Variants in HTR2C observed in about 807,000 individuals in gnomAD.
The protein encoded by HTR2C is 5-hydroxytryptamine (serotonin) receptor 2C, G protein-coupled.
Under a neutral mutation model 21.0 loss-of-function variants are expected in HTR2C, and 5 were observed. The ratio of observed to expected loss-of-function variants is 0.24; its 90% CI spans 0.12 to 0.50. The LOEUF (loss-of-function observed/expected upper bound fraction) is 0.50, where lower values mean the gene tolerates loss of function less well. Ranked by LOEUF, HTR2C falls within the 20% of genes least tolerant of loss-of-function variation. HTR2C has a pLI of 0.98. For missense variants in HTR2C, 271 were observed against 371.2 expected (o/e 0.73, Z 2.22); for synonymous variants, 150 against 145.3 (o/e 1.03, Z -0.23).
intron 5 of HTR2C, among the ~76,000 whole-genome samples, chrX:114,879,307 T>G (rs2071162647): frequency 9.1e-6 from 1 of 109,595 alleles, no homozygotes; most frequent in Non-Finnish European, 1.9e-5. Context: ...TAATATTTTA[T>G]GCATATGATT....
intron 5 of HTR2C, among the ~76,000 whole-genome samples, chrX:114,849,382 TA>T (rs1208103068): frequency 8.9e-6 from 1 of 111,990 alleles, no homozygotes; most frequent in Non-Finnish European, 1.9e-5. Flanking sequence ...AACACATGGA[TA>T]AAACACTAAA....
At chrX:114,590,622 C>T (rs148570370) in intron 1 of HTR2C, among the ~76,000 whole-genome samples, 82 of 111,985 alleles carry the variant, frequency 7.3e-4, no homozygotes, top group African/African-American at 2.6e-3. Context: ...AGCACATCTG[C>T]ACAATAATAT....
At chrX:114,828,833 TC>T (rs782249666) in intron 4 of HTR2C, among the ~76,000 whole-genome samples, 2 of 112,371 alleles carry the variant, frequency 1.8e-5, no homozygotes, top group African/African-American at 6.4e-5. Flanking sequence ...CAATATGTGA[TC>T]TTTTGCATCT....
At chrX:114,748,405 A>G (rs2069726008) in intron 4 of HTR2C, among the ~76,000 whole-genome samples, 1 of 111,710 alleles carries the variant, frequency 9.0e-6, no homozygotes, top group South Asian at 3.7e-4. Context: ...TTAATCAAAA[A>G]GCTGATCCTA....
intron 2 of HTR2C, among the ~76,000 whole-genome samples, chrX:114,701,935 C>T (rs1198443335): frequency 3.6e-5 from 4 of 111,563 alleles, no homozygotes; most frequent in Non-Finnish European, 7.5e-5. Context: ...GGAGCCGATG[C>T]AATCAACTGG....
intron 4 of HTR2C, among the ~76,000 whole-genome samples, chrX:114,806,281 C>T (rs868960388): frequency 2.0e-5 from 2 of 97,813 alleles, no homozygotes; most frequent in Non-Finnish European, 4.1e-5. Context: ...CATATATATA[C>T]ACACCATATA....
intron 2 of HTR2C, among the ~76,000 whole-genome samples, chrX:114,621,891 C>A (rs1249594292): frequency 9.0e-6 from 1 of 111,281 alleles, no homozygotes; most frequent in African/African-American, 3.3e-5. Context: ...CCAGAATGAG[C>A]AGTGGGGGAT....
intron 2 of HTR2C, among the ~76,000 whole-genome samples, chrX:114,661,435 C>T (rs782818609): frequency 9.1e-6 from 1 of 110,135 alleles, no homozygotes; most frequent in Non-Finnish European, 1.9e-5. Context: ...TCCAATAAAC[C>T]ATTCCAAAAA....
chrX:114,780,972 C>G (rs1602776705), intron 4 of HTR2C, among the ~76,000 whole-genome samples: 1 of 111,401 alleles, frequency 9.0e-6, no homozygotes, highest in East Asian at 2.8e-4. Flanking sequence ...TGAAAAATTT[C>G]TACAGGGAAC....
In HTR2C at chrX:114,589,890, A is replaced by C. The variant is rs1927563505; in HGVS notation, c.-147+5231A>C. 4 of 322,642 alleles carry C rather than the reference A, an allele frequency of 1.2e-5. No individual in the cohort carries two copies. In the Admixed American group the frequency reaches 1.3e-4, roughly 10 times the overall value. 26.6% of individuals were successfully genotyped at this position (322,642 alleles called of 1,213,427 possible). On this transcript the variant is annotated intron_variant, in intron 1 of 5. Transcript: ENST00000276198. The stretch of plus-strand genomic sequence containing the variant: ...CCATTAAAAGATGCAAGCATTTTGA[A>C]CTGGGAAGAGATAAGAAGAGAAAGG...
At chrX:114,781,490 C>T (rs1256957743) in intron 4 of HTR2C, among the ~76,000 whole-genome samples, 2 of 108,883 alleles carry the variant, frequency 1.8e-5, no homozygotes, top group African/African-American at 3.3e-5. Flanking sequence ...AGCAAGACCC[C>T]AATCTCTCTC....
intron 5 of HTR2C, among the ~76,000 whole-genome samples, chrX:114,867,609 A>G (rs1239747044): frequency 9.0e-6 from 1 of 111,563 alleles, no homozygotes; most frequent in Non-Finnish European, 1.9e-5. Context: ...ATTTTCCCCA[A>G]TGTTTTCTTG....
At chrX:114,892,512 T>G (rs782462288) in intron 5 of HTR2C, among the ~76,000 whole-genome samples, 1 of 111,824 alleles carries the variant, frequency 8.9e-6, no homozygotes, top group Non-Finnish European at 1.9e-5. Flanking sequence ...TATGTGAAAC[T>G]TAAGGAATCT....
rs184152088 is a variant in HTR2C, at chrX:114,825,397, T to C, written c.350-22606T>C. Among the ~76,000 whole-genome samples the C allele has an allele frequency of 2.7e-5, 3 of 112,219 alleles. No homozygotes were observed. The Admixed American group carries it at 2.9e-4, about 11-fold the overall frequency. On this transcript the variant is annotated intron_variant, in intron 4 of 5. Coordinates refer to ENST00000276198, the MANE Select transcript of HTR2C (RefSeq NM_000868.4). ...AAACATGAATTATTTAGAATTGTGT[T>C]ATTTAATTTGCAAATATTTGAACAT...
intron 3 of HTR2C, among the ~76,000 whole-genome samples, chrX:114,728,983 A>C (rs2069510205): frequency 8.9e-6 from 1 of 112,202 alleles, no homozygotes; most frequent in Non-Finnish European, 1.9e-5. Flanking sequence ...CTGAAGACGC[A>C]GTTTAGTATT....
At chrX:114,591,230 G>A (rs1556391095) in intron 1 of HTR2C, among the ~76,000 whole-genome samples, 2 of 111,366 alleles carry the variant, frequency 1.8e-5, no homozygotes, top group Non-Finnish European at 3.8e-5. Flanking sequence ...GTCTAAAATA[G>A]ATTCAGAAAG....
intron 2 of HTR2C, among the ~76,000 whole-genome samples, chrX:114,673,730 G>C (rs1374978903): frequency 1.8e-5 from 2 of 110,813 alleles, no homozygotes; most frequent in Admixed American, 1.9e-4. Flanking sequence ...AGCATCACCT[G>C]GAACTTTTTA....
chrX:114,680,434 G>A (rs781974478), intron 2 of HTR2C, among the ~76,000 whole-genome samples: 1 of 111,965 alleles, frequency 8.9e-6, no homozygotes, highest in East Asian at 2.8e-4. Context: ...AGAAAATGAA[G>A]ACCCAAAGAC....
intron 5 of HTR2C, among the ~76,000 whole-genome samples, chrX:114,900,998 G>T (rs2071333296): frequency 8.9e-6 from 1 of 112,145 alleles, no homozygotes; most frequent in African/African-American, 3.2e-5. Context: ...TGCAAATTTT[G>T]CTGCTGGTAG....
Sources: allele counts gnomAD v4.1 joint callset (sites outside exome capture counted in the v4.1 genomes callset), GRCh38; gene constraint gnomAD v4.1.1; transcripts MANE v1.5; gene names NCBI Gene and HGNC (gene_info 2026-07-23, HGNC 2026-07-21).